Variants in PRDM10 observed in about 807,000 individuals in gnomAD.
PRDM10 encodes PR domain zinc finger protein 10.
A neutral mutation model predicts 133.1 loss-of-function variants in PRDM10; 65 were observed. The observed-to-expected ratio is 0.49, with a 90% CI of 0.40 to 0.60. The LOEUF (loss-of-function observed/expected upper bound fraction) is 0.60. Ranked by LOEUF, PRDM10 falls within the 20% of genes least tolerant of loss-of-function variation. The probability of loss-of-function intolerance (pLI) is 0.00; values close to 1 mark genes in which losing one functional copy is unlikely to be tolerated. For synonymous variants in PRDM10, 582 were observed against 580.4 expected, an observed-to-expected ratio of 1.00 and a Z score of -0.04; for missense variants, 1,137 against 1,507.1, an observed-to-expected ratio of 0.75 and a Z score of 4.07.
At chr11:129,989,799 CACT>C (rs1938630914) in intron 1 of PRDM10, among the ~76,000 whole-genome samples, 1 of 152,170 alleles carries the variant, frequency 6.6e-6, no homozygotes, top group South Asian at 2.1e-4. Flanking sequence ...CATAATTTAA[CACT>C]ACAATATGTA....
intron 19 of PRDM10, among the ~76,000 whole-genome samples, chr11:129,907,011 C>A: frequency 6.6e-6 from 1 of 151,140 alleles, no homozygotes; most frequent in East Asian, 1.9e-4. Flanking sequence ...AAGAATATCA[C>A]GACTTTGCAG....
intron 20 of PRDM10, among the ~76,000 whole-genome samples, chr11:129,902,749 C>T (rs1949882075): frequency 6.6e-6 from 1 of 152,176 alleles, no homozygotes; most frequent in Non-Finnish European, 1.5e-5. Flanking sequence ...GAGCGAACAA[C>T]TTCAGGTACA....
intron 15 of PRDM10, 21 bp from the exon 16 acceptor site, chr11:129,915,881 C>A: frequency 6.2e-7 from 1 of 1,607,414 alleles, no homozygotes; most frequent in Non-Finnish European, 8.5e-7. Flanking sequence ...AAGCGCCTTG[C>A]CATGAAAGCA....
Position 129,914,971 on chromosome 11 carries a change from C to T in PRDM10, c.2574G>A (p.Gln858=). 6.2e-7 allele frequency: 1 copy of T among 1,609,958 alleles called. No individual in the cohort carries two copies. The highest frequency in any genetic ancestry group is 1.1e-5 in the South Asian group (1 of 91,026). The change falls in exon 17 of 21, where the codon CAG becomes CAA. Residue 858 remains glutamine (Q), a synonymous_variant. Transcript: ENST00000360871. The part of the protein sequence containing the change: ...HIRKKHPEFA[Q]LSNTIHTPLT... The stretch of plus-strand genomic sequence containing the variant: ...GTGGTGTGTGTATGGTGTTGGAGAG[C>T]TGGGCGAACTCTGGATGCTTCTTTC...
At chr11:129,958,632 G>A (rs1269836947) in intron 2 of PRDM10, among the ~76,000 whole-genome samples, 1 of 152,048 alleles carries the variant, frequency 6.6e-6, no homozygotes, top group South Asian at 2.1e-4. Flanking sequence ...TGAGAAGAGT[G>A]AAACTCCATC....
chr11:129,938,519 G>A (rs1029190063), intron 7 of PRDM10, among the ~76,000 whole-genome samples: 2 of 152,056 alleles, frequency 1.3e-5, no homozygotes, highest in African/African-American at 4.8e-5. Flanking sequence ...CTCCATCCCC[G>A]CTTTTGCCAC....
At chr11:129,971,498 C>T (rs553328064) in intron 1 of PRDM10, among the ~76,000 whole-genome samples, 26 of 151,950 alleles carry the variant, frequency 1.7e-4, no homozygotes, top group Admixed American at 7.2e-4. Context: ...CATTGGTGCA[C>T]TCAAAAACCT....
chr11:130,002,418 G>C (rs550260495), intron 1 of PRDM10, among the ~76,000 whole-genome samples: 2 of 152,120 alleles, frequency 1.3e-5, no homozygotes, highest in Non-Finnish European at 2.9e-5. Context: ...GCTGGAGGGG[G>C]CCTTGCCCTC....
intron 1 of PRDM10, among the ~76,000 whole-genome samples, chr11:129,996,734 G>T (rs956383174): frequency 6.6e-6 from 1 of 152,154 alleles, no homozygotes; most frequent in Admixed American, 6.5e-5. Flanking sequence ...AATATTTAAG[G>T]AACAGTGGGA....
At chr11:129,990,919 C>T (rs1351180723) in intron 1 of PRDM10, among the ~76,000 whole-genome samples, 2 of 152,096 alleles carry the variant, frequency 1.3e-5, no homozygotes, top group Admixed American at 6.6e-5. Flanking sequence ...ATAAAAACTC[C>T]GTCTCACTGG....
chr11:129,981,524 C>T (rs1452703898), intron 1 of PRDM10, among the ~76,000 whole-genome samples: 1 of 152,100 alleles, frequency 6.6e-6, no homozygotes, highest in African/African-American at 2.4e-5. Context: ...ATGCTGTGGA[C>T]ACCTTTTCAG....
chr11:129,997,199 C>T (rs373578595), intron 1 of PRDM10, among the ~76,000 whole-genome samples: 16 of 152,348 alleles, frequency 1.1e-4, no homozygotes, highest in East Asian at 5.8e-4. Flanking sequence ...GTTCTCCCGA[C>T]TGGGTGCAGT....
chr11:129,955,714 A>T (rs1951683397), intron 3 of PRDM10, 143 bp from the exon 4 acceptor site: 3 of 632,932 alleles, frequency 4.7e-6, no homozygotes, highest in Non-Finnish European at 8.1e-6. Context: ...TAATACAGAA[A>T]ATAAAGATAG....
intron 6 of PRDM10, among the ~76,000 whole-genome samples, chr11:129,943,785 G>C (rs1951295406): frequency 6.6e-6 from 1 of 152,102 alleles, no homozygotes; most frequent in Non-Finnish European, 1.5e-5. Context: ...ACGAGGTCAA[G>C]AGATCAAGAC....
At chr11:129,916,830 G>T (rs3734070) in intron 15 of PRDM10, among the ~76,000 whole-genome samples, 1 of 151,860 alleles carries the variant, frequency 6.6e-6, no homozygotes, top group Non-Finnish European at 1.5e-5. Flanking sequence ...TTAGAGCCTA[G>T]GAATTTGAAA....
intron 4 of PRDM10, among the ~76,000 whole-genome samples, chr11:129,950,579 C>G (rs1951556847): frequency 6.6e-6 from 1 of 152,160 alleles, no homozygotes; most frequent in Admixed American, 6.5e-5. Flanking sequence ...GTGGCCACCT[C>G]CCCCTCAACC....
intron 1 of PRDM10, among the ~76,000 whole-genome samples, chr11:129,971,356 T>C (rs1323545679): frequency 2.0e-5 from 3 of 152,152 alleles, no homozygotes; most frequent in African/African-American, 7.2e-5. Context: ...TTTGACAGGG[T>C]GCTGATTGGT....
intron 20 of PRDM10, among the ~76,000 whole-genome samples, chr11:129,903,596 C>T (rs1436119112): frequency 6.6e-6 from 1 of 152,138 alleles, no homozygotes; most frequent in Non-Finnish European, 1.5e-5. Flanking sequence ...AGAAATGTGT[C>T]TGTCGGTCAG....
rs1276204073 is a variant in PRDM10 at position 129,915,009 on chromosome 11, C to T, written c.2536G>A (p.Val846Ile). 6.3e-7 allele frequency: 1 copy of T among 1,577,414 alleles called. No individual in the cohort carries two copies. The highest frequency in any genetic ancestry group is 1.1e-5 in the South Asian group (1 of 87,268). Residue 846 changes from valine (V) to isoleucine (I), a missense_variant, in exon 17 of 21, where the codon GTC becomes ATC. Val to Ile is a conservative substitution (Grantham distance 29, BLOSUM62 3). Around this residue, in one of 6 missense-constraint regions of PRDM10, gnomAD observed 113 missense variants for 143.7 expected, o/e 0.79. Coordinates refer to ENST00000360871, the MANE Select transcript of PRDM10 (RefSeq NM_199437.2). ...GGATGCTTCTTTCGAATGTGCTGGA[C>T]CATCTTGGTCTGAAAAAGCAAGGCA... is the stretch of plus-strand genomic sequence containing the variant. The part of the protein sequence containing the change: ...SKQYSSKTKM[V>I]QHIRKKHPEF...
Sources: allele counts gnomAD v4.1 joint callset (sites outside exome capture counted in the v4.1 genomes callset), GRCh38; gene constraint gnomAD v4.1.1; regional missense constraint gnomAD v4.1.1; transcripts MANE v1.5; gene names NCBI Gene and HGNC (gene_info 2026-07-23, HGNC 2026-07-21).